NEB: variants seen among roughly 807,000 people sequenced by gnomAD.
NEB encodes the protein nemaline myopathy type 2.
Under a neutral mutation model 952.2 loss-of-function variants are expected in NEB, and 512 were observed. The ratio of observed to expected loss-of-function variants is 0.54; its 90% CI spans 0.50 to 0.58. The LOEUF (loss-of-function observed/expected upper bound fraction) is 0.58. Ranked by LOEUF, NEB falls within the 20% of genes least tolerant of loss-of-function variation. NEB has a pLI of 0.00. For synonymous variants in NEB, 2,900 were observed against 3,149.8 expected (o/e 0.92, Z 2.66); for missense variants, 8,428 against 9,231.1 (o/e 0.91, Z 3.56).
At chr2:151,658,694 C>T (rs1394497588) in intron 47 of NEB, among the ~76,000 whole-genome samples, 2 of 152,164 alleles carry the variant, frequency 1.3e-5, no homozygotes, top group African/African-American at 4.8e-5. Flanking sequence ...CATTTAACCC[C>T]TTCTTTAGAA....
At chr2:151,546,285 G>A (rs892989654) in intron 134 of NEB, 60 bp downstream of exon 134, 5 of 1,340,288 alleles carry the variant, frequency 3.7e-6, no homozygotes, top group Non-Finnish European at 5.3e-6. Flanking sequence ...CCTGGAGGCT[G>A]GTGATGGGGG....
chr2:151,528,518 C>T (rs1576368218), intron 146 of NEB, among the ~76,000 whole-genome samples: 1 of 152,268 alleles, frequency 6.6e-6, no homozygotes, highest in South Asian at 2.1e-4. Flanking sequence ...TCCTTCTATC[C>T]GTCTGCCCTC....
Position 151,529,259 on chromosome 2 carries a change from T to G in NEB, c.21686A>C (p.Asp7229Ala). The change falls in exon 146 of 182, where the codon GAT becomes GCT. Residue 7229 changes from aspartate to alanine, a missense_variant. Asp to Ala is a moderately radical substitution (Grantham distance 126, BLOSUM62 -2). Around this residue, in one of 11 missense-constraint regions of NEB, gnomAD observed 3,374 missense variants for 3,651.5 expected, o/e 0.92. Transcript: ENST00000397345. ...CTTGGCTGCTTTGATATGAACAGCATCTGGCTCAATGGTGCAGTTGGATTT... is the reference window on the plus strand; with the variant it reads ...CTTGGCTGCTTTGATATGAACAGCAGCTGGCTCAATGGTGCAGTTGGATTT... Reference protein sequence around the residue: ...RNKSNCTIEPDAVHIKAAKDA... With the variant: ...RNKSNCTIEPAAVHIKAAKDA... 6.2e-7 allele frequency: 1 copy of G among 1,613,794 alleles called. No homozygotes were observed. Among genetic ancestry groups the G allele is most frequent in the African/African-American group, 1.3e-5 (1 of 75,062 alleles).
At position 151,551,721 on chromosome 2, in the gene NEB, A is replaced by T. The variant is rs758228050; in HGVS notation, c.19944+17T>A. 3.1e-6 allele frequency: 5 copies of T among 1,599,906 alleles called. No individual in the cohort carries two copies. The South Asian group carries it at 4.4e-5, about 14-fold the overall frequency. ...GAACGGATTTCTGCTGGGCACTCTC[A>T]AGTTCTCACTGCTCACCGAACTCTG... On this transcript the variant is annotated intron_variant, in intron 129 of 181. Coordinates refer to ENST00000397345, the MANE Select transcript of NEB (RefSeq NM_001164508.2).
At chr2:151,690,589 G>T in intron 24 of NEB, 138 bp downstream of exon 24, 1 of 704,560 alleles carries the variant, frequency 1.4e-6, no homozygotes. Flanking sequence ...CCTCATTTGT[G>T]TTTTATTAAA....
In NEB at chr2:151,657,973, T is replaced by G; in HGVS notation, c.6183+10A>C. 1 of 1,580,716 alleles carries G rather than the reference T, an allele frequency of 6.3e-7. No homozygotes were observed. Among genetic ancestry groups the G allele is most frequent in the Non-Finnish European group, 8.7e-7 (1 of 1,153,290 alleles). On this transcript the variant is annotated intron_variant, in intron 48 of 181. Coordinates refer to ENST00000397345, the MANE Select transcript of NEB (RefSeq NM_001164508.2). ...ACCCCCAGCCAGGTGACCGTTTCCT[T>G]TGGACTTACATCACTTGCAATATCT...
In NEB at chr2:151,592,106, C is replaced by A. The variant is rs2097299049; in HGVS notation, c.14754G>T (p.Lys4918Asn). Residue 4918 changes from lysine to asparagine, a missense_variant, in exon 95 of 182, where the codon AAG becomes AAT. By Grantham distance (94) the Lys-to-Asn change is moderately conservative. Coordinates refer to ENST00000397345, the MANE Select transcript of NEB (RefSeq NM_001164508.2). ...PLYRNAWEKE[K>N]ANVNVPADTP... ...TGTCAGCTGGCACGTTCACATTAGC[C>A]TTCTCTTTCTCCCAGGCATTGCGAT... 6.5e-7 allele frequency: 1 copy of A among 1,549,506 alleles called. No homozygotes were observed. Among genetic ancestry groups the A allele is most frequent in the Admixed American group, 2.0e-5 (1 of 50,990 alleles).
chr2:151,559,749 A>G (rs957572970), intron 124 of NEB, among the ~76,000 whole-genome samples: 2 of 152,192 alleles, frequency 1.3e-5, no homozygotes, highest in East Asian at 1.9e-4. Flanking sequence ...GTGAGAACAC[A>G]TGGACACAGG....
chr2:151,615,937 C>A (rs972090198), intron 76 of NEB, 65 bp downstream of exon 76: 10 of 1,255,638 alleles, frequency 8.0e-6, no homozygotes, highest in South Asian at 1.4e-5. Context: ...GCAAGAAAAA[C>A]TCTAAAAGCT....
intron 8 of NEB, among the ~76,000 whole-genome samples, chr2:151,723,726 T>C (rs1302167305): frequency 6.6e-6 from 1 of 151,362 alleles, no homozygotes; most frequent in Non-Finnish European, 1.5e-5. Context: ...TCAACTTTTC[T>C]CTGTGACTCT....
At chr2:151,486,640 A>G (rs955481509) in intron 181 of NEB, 1 of 152,298 alleles carries the variant, frequency 6.6e-6, no homozygotes, top group Non-Finnish European at 1.5e-5. Context: ...AAGATCTGGT[A>G]TATCCATACA....
In NEB at chr2:151,696,661, T is replaced by G. The variant is rs748684538; in HGVS notation, c.1545A>C (p.Gln515His). ...CGTCACTCAGTTGTTTGGAATTGAC[T>G]TGGGCTTGTAGCAGAACAGGAGAGT... Reference protein sequence around the residue: ...VTDSPVLLQAQVNSKQLSDLN... With the variant: ...VTDSPVLLQAHVNSKQLSDLN... Residue 515 changes from glutamine (Q) to histidine (H), a missense_variant, in exon 17 of 182, where the codon CAA (glutamine) becomes CAC (histidine). Gln to His is a conservative substitution (Grantham distance 24). Around this residue, in one of 11 missense-constraint regions of NEB, gnomAD observed 2,851 missense variants for 2,791.5 expected, o/e 1.02. Coordinates refer to ENST00000397345, the MANE Select transcript of NEB (RefSeq NM_001164508.2). 10 of 1,613,788 alleles carry G rather than the reference T, an allele frequency of 6.2e-6. No individual in the cohort carries two copies. Among genetic ancestry groups the G allele is most frequent in the Admixed American group, 3.3e-5 (2 of 60,024 alleles).
chr2:151,538,160 CTT>C lies in NEB; in HGVS notation c.20975_20976del (p.Lys6992SerfsTer4), dbSNP rs1559680233. 1 of 1,610,630 alleles carries C rather than the reference CTT, an allele frequency of 6.2e-7. No individual in the cohort carries two copies. Among genetic ancestry groups the C allele is most frequent in the African/African-American group, 1.3e-5 (1 of 74,928 alleles). On this transcript the variant is annotated frameshift_variant, in exon 139 of 182. Transcript: ENST00000397345. LOFTEE classifies it high-confidence loss of function. ...CATACTTTACTGATGTCATCTGTGA[CTT>C]TGCGATGATAGACAATGTCTAGGGC... The part of the protein sequence containing the change: ...KDALDIVYHR[K>X]VTDDISKIKY...
chr2:151,609,842 G>T lies in NEB; in HGVS notation c.12297C>A (p.Ile4099=), dbSNP rs1442726188. Residue 4099 remains isoleucine (I), a synonymous_variant, in exon 81 of 182, where the codon ATC becomes ATA. Transcript: ENST00000397345. ...WTCMPDQNDI[I]QAKKAYDLQS... is the part of the protein sequence containing the mutation. ...GCAGGTCATAGGCCTTTTTTGCTTG[G>T]ATAATGTCGTTTTGATCCGGCATGC... is the stretch of plus-strand genomic sequence containing the variant. The T allele has an allele frequency of 5.6e-6, 9 of 1,598,180 alleles. No individual in the cohort carries two copies. The highest frequency in any genetic ancestry group is 3.5e-5 in the Admixed American group (2 of 57,790).
At chr2:151,643,081 A>C (rs1480255298) in intron 58 of NEB, 69 bp downstream of exon 58, 1 of 1,470,330 alleles carries the variant, frequency 6.8e-7, no homozygotes, top group Admixed American at 1.9e-5. Context: ...TTTCTTTTAT[A>C]CAAACAGACT....
At chr2:151,668,971 A>G in intron 39 of NEB, 56 bp downstream of exon 39, 1 of 1,306,746 alleles carries the variant, frequency 7.7e-7, no homozygotes, top group Non-Finnish European at 1.1e-6. Context: ...AGAGTTGCAA[A>G]GAACCAGAAA....
intron 69 of NEB, 89 bp downstream of exon 69, chr2:151,627,434 T>C: frequency 1.3e-6 from 2 of 1,532,236 alleles, no homozygotes; most frequent in Non-Finnish European, 8.9e-7. Flanking sequence ...TCATCCCTTC[T>C]GAAGGTTCTA....
Position 151,551,258 on chromosome 2 carries a change from C to T in NEB, c.19944+480G>A, listed in dbSNP as rs918978528. On this transcript the variant is annotated intron_variant, in intron 129 of 181. Transcript: ENST00000397345. ...TGCTGGGATTACAGGCATGAACCACCGCACCTGGCCAAAAATTATTTTTAA... is the reference window on the plus strand; with the variant it reads ...TGCTGGGATTACAGGCATGAACCACTGCACCTGGCCAAAAATTATTTTTAA... Among the ~76,000 whole-genome samples the T allele has an allele frequency of 3.9e-5, 6 of 152,110 alleles. No homozygotes were observed. In the South Asian group the frequency reaches 6.2e-4, roughly 16 times the overall value.
chr2:151,516,344 A>C (rs2077686991), intron 157 of NEB, 115 bp downstream of exon 157: 1 of 644,282 alleles, frequency 1.6e-6, no homozygotes, highest in Middle Eastern at 2.8e-4. Flanking sequence ...TCACATGATA[A>C]AAAGTTTCAT....
Sources: gnomAD v4.1 joint callset for allele counts (sites outside exome capture counted in the v4.1 genomes callset) on GRCh38, gnomAD v4.1.1 for gene constraint, gnomAD v4.1.1 regional missense constraint, MANE v1.5 for transcripts, NCBI Gene and HGNC (gene_info 2026-07-23, HGNC 2026-07-21) for gene names.